The following CACNA2D1 variants were observed in gnomAD, a reference collection of about 807,000 sequenced individuals.
CACNA2D1 encodes voltage-dependent calcium channel subunit alpha-2/delta-1.
A neutral mutation model predicts 171.5 loss-of-function variants in CACNA2D1; 53 were observed. The ratio of observed to expected loss-of-function variants is 0.31; its 90% CI spans 0.25 to 0.39. The LOEUF (loss-of-function observed/expected upper bound fraction) is 0.39. CACNA2D1 is among the 10% of genes least tolerant of loss of function. The pLI is 1.00. For synonymous variants in CACNA2D1, 442 were observed against 443.1 expected, an observed-to-expected ratio of 1.00 and a Z score of 0.03; for missense variants, 903 against 1,299.8, an observed-to-expected ratio of 0.69 and a Z score of 4.69.
In CACNA2D1 at chr7:82,040,878, G is replaced by A. The variant is rs138597846; in HGVS notation, c.880-2643C>T. Reference sequence around the variant, plus strand: ...TAATGCCAGCTACTCATGAGGCTGAGGCAGGAGAATCACTTGAACCAGGGA... The same window carrying A: ...TAATGCCAGCTACTCATGAGGCTGAAGCAGGAGAATCACTTGAACCAGGGA... On this transcript the variant is annotated intron_variant, in intron 10 of 38. Coordinates refer to ENST00000356860, the MANE Select transcript of CACNA2D1 (RefSeq NM_000722.4). 7.0e-3 allele frequency among the ~76,000 whole-genome samples: 1,067 copies of A among 152,258 alleles called. 18 individuals are homozygous for A. Among genetic ancestry groups the A allele is most frequent in the African/African-American group, 0.024 (998 of 41,538 alleles).
intron 36 of CACNA2D1, among the ~76,000 whole-genome samples, chr7:81,961,108 T>C (rs542429120): frequency 2.6e-5 from 4 of 151,950 alleles, no homozygotes; most frequent in Non-Finnish European, 5.9e-5. Flanking sequence ...TCTTCCGCTA[T>C]GGTAACATTT....
intron 24 of CACNA2D1, among the ~76,000 whole-genome samples, chr7:81,975,298 C>G (rs939332488): frequency 1.3e-5 from 2 of 151,972 alleles, no homozygotes; most frequent in Non-Finnish European, 2.9e-5. Flanking sequence ...TCTTAAAGTT[C>G]ATTACATGTT....
At chr7:82,004,318 T>A (rs1021296917) in intron 18 of CACNA2D1, among the ~76,000 whole-genome samples, 2 of 152,056 alleles carry the variant, frequency 1.3e-5, no homozygotes, top group African/African-American at 4.8e-5. Flanking sequence ...AAACAACACA[T>A]TTAAACATAA....
At chr7:82,210,019 G>A (rs1228217943) in intron 3 of CACNA2D1, among the ~76,000 whole-genome samples, 1 of 152,126 alleles carries the variant, frequency 6.6e-6, no homozygotes, top group African/African-American at 2.4e-5. Context: ...GTGGAGGTCA[G>A]TAGTCAAGTT....
In CACNA2D1 at chr7:82,011,991, T is replaced by C. The variant is rs144809001; in HGVS notation, c.1362+163A>G. 533 of 643,788 alleles carry C rather than the reference T, an allele frequency of 8.3e-4. 3 individuals carry two copies. The African/African-American group carries it at 8.7e-3, about 10-fold the overall frequency. The allele number at this position is 643,788 out of a possible 1,614,324, so 39.9% of individuals were successfully genotyped here. On this transcript the variant is annotated intron_variant, in intron 15 of 38. Coordinates refer to ENST00000356860, the MANE Select transcript of CACNA2D1 (RefSeq NM_000722.4). Reference sequence around the variant, plus strand: ...GTTTTCTACTACATACGAGTCTATGTTTTTATGTAAATTATATAAATTCTA... The same window carrying C: ...GTTTTCTACTACATACGAGTCTATGCTTTTATGTAAATTATATAAATTCTA...
chr7:82,226,189 A>T (rs1385607837), intron 3 of CACNA2D1, among the ~76,000 whole-genome samples: 2 of 152,096 alleles, frequency 1.3e-5, no homozygotes, highest in Non-Finnish European at 2.9e-5. Context: ...TAAACCAAAG[A>T]CTCATTGACT....
chr7:82,060,176 ATAATATATATATATTATATATATAT>A (rs1806530985), intron 10 of CACNA2D1, among the ~76,000 whole-genome samples: 1 of 29,316 alleles, frequency 3.4e-5, no homozygotes, highest in Admixed American at 7.6e-4. Context: ...ATATATATAT[ATAATATATATATATTATATATATAT>A]TATATATATA....
intron 1 of CACNA2D1, among the ~76,000 whole-genome samples, chr7:82,412,001 C>T (rs941423535): frequency 6.6e-6 from 1 of 151,990 alleles, no homozygotes; most frequent in African/African-American, 2.4e-5. Flanking sequence ...ACCTAAATCT[C>T]AAATGGTGCT....
At chr7:82,130,222 C>T (rs1790789148) in intron 5 of CACNA2D1, among the ~76,000 whole-genome samples, 1 of 147,702 alleles carries the variant, frequency 6.8e-6, no homozygotes, top group Non-Finnish European at 1.5e-5. Flanking sequence ...AAGAGCTGCT[C>T]TCTGGGAACT....
At chr7:82,133,173 A>G (rs1584867178) in intron 5 of CACNA2D1, among the ~76,000 whole-genome samples, 2 of 152,194 alleles carry the variant, frequency 1.3e-5, no homozygotes, top group Admixed American at 6.5e-5. Flanking sequence ...GCCAAATGCA[A>G]TAAATATTTA....
intron 5 of CACNA2D1, among the ~76,000 whole-genome samples, chr7:82,119,417 T>A (rs1040999844): frequency 3.3e-5 from 5 of 152,172 alleles, no homozygotes; most frequent in Non-Finnish European, 7.4e-5. Flanking sequence ...CAAGCTAATG[T>A]TGGATGAGGA....
intron 10 of CACNA2D1, among the ~76,000 whole-genome samples, chr7:82,048,127 T>C (rs1804761406): frequency 6.7e-6 from 1 of 150,024 alleles, no homozygotes; most frequent in Non-Finnish European, 1.5e-5. Context: ...AAACATTAAA[T>C]TGTATCTGGG....
At chr7:82,115,319 A>G (rs10250875) in intron 6 of CACNA2D1, among the ~76,000 whole-genome samples, 2,780 of 152,302 alleles carry the variant, frequency 0.018, 100 homozygotes, top group African/African-American at 0.061. Flanking sequence ...ATAGCTTAGC[A>G]TTGTCTGAAC....
At chr7:82,000,365 C>CAT (rs766421984) in intron 18 of CACNA2D1, among the ~76,000 whole-genome samples, 69 of 152,156 alleles carry the variant, frequency 4.5e-4, no homozygotes, top group South Asian at 1.2e-3. Flanking sequence ...AGGGGACTGA[C>CAT]ATATATATAT....
At chr7:82,377,974 G>C (rs1361933874) in intron 1 of CACNA2D1, among the ~76,000 whole-genome samples, 1 of 152,180 alleles carries the variant, frequency 6.6e-6, no homozygotes, top group Non-Finnish European at 1.5e-5. Context: ...TGTATGGCCT[G>C]TATGATCCTG....
intron 3 of CACNA2D1, among the ~76,000 whole-genome samples, chr7:82,311,647 G>C (rs1413709518): frequency 6.6e-6 from 1 of 152,164 alleles, no homozygotes; most frequent in Non-Finnish European, 1.5e-5. Flanking sequence ...GAATTTGGAA[G>C]TTATTTATAA....
chr7:82,185,794 T>C (rs1312098552), intron 3 of CACNA2D1, among the ~76,000 whole-genome samples: 1 of 151,964 alleles, frequency 6.6e-6, no homozygotes, highest in African/African-American at 2.4e-5. Flanking sequence ...ATCCAGGGTA[T>C]CTCCATGCAT....
chr7:82,270,117 A>T (rs1237076972), intron 3 of CACNA2D1, among the ~76,000 whole-genome samples: 1 of 152,068 alleles, frequency 6.6e-6, no homozygotes, highest in Non-Finnish European at 1.5e-5. Flanking sequence ...TTGGCTTTCT[A>T]TCTAACTAAA....
rs751430979 is a variant in CACNA2D1 at position 81,974,491 on chromosome 7, C to T, written c.2017G>A (p.Glu673Lys). Residue 673 changes from glutamate (E) to lysine (K), a missense_variant, in exon 25 of 39, where the codon GAG becomes AAG. This residue lies in a region of CACNA2D1 where 623 missense variants were observed against 925.5 expected (regional missense o/e 0.67). Transcript: ENST00000356860. ...TTTGGAGTTTTTCTATCAATAAACT[C>T]GTTGAAATTTAAAAGAAATTCAGTG... Reference protein sequence around the residue: ...NNTEFLLNFNEFIDRKTPNNP... With the variant: ...NNTEFLLNFNKFIDRKTPNNP... 1.8e-5 allele frequency: 28 copies of T among 1,573,268 alleles called. No homozygotes were observed. The highest frequency in any genetic ancestry group is 2.3e-5 in the Non-Finnish European group (26 of 1,144,994).
Sources: gnomAD v4.1 joint callset for allele counts (sites outside exome capture counted in the v4.1 genomes callset) on GRCh38, gnomAD v4.1.1 for gene constraint, gnomAD v4.1.1 regional missense constraint, MANE v1.5 for transcripts, NCBI Gene and HGNC (gene_info 2026-07-23, HGNC 2026-07-21) for gene names.